SEMA3E: variants seen among roughly 807,000 people sequenced by gnomAD.
SEMA3E encodes semaphorin-3E.
Under a neutral mutation model 93.6 loss-of-function variants are expected in SEMA3E, and 49 were observed. The observed-to-expected ratio is 0.52, with a 90% CI of 0.42 to 0.66. The LOEUF (loss-of-function observed/expected upper bound fraction) is 0.66. Ranked by LOEUF, SEMA3E falls within the 30% of genes least tolerant of loss-of-function variation. SEMA3E has a pLI of 0.00. For synonymous variants in SEMA3E, 363 were observed against 330.7 expected, an observed-to-expected ratio of 1.10 and a Z score of -1.06; for missense variants, 906 against 964.8, an observed-to-expected ratio of 0.94 and a Z score of 0.81.
At chr7:83,601,488 G>T (rs1410613902) in intron 1 of SEMA3E, among the ~76,000 whole-genome samples, 2 of 151,536 alleles carry the variant, frequency 1.3e-5, no homozygotes, top group Non-Finnish European at 2.9e-5. Flanking sequence ...CTTTCTCTGA[G>T]CACTCTTCCT....
At chr7:83,502,807 A>G (rs773914076) in intron 1 of SEMA3E, among the ~76,000 whole-genome samples, 4 of 152,300 alleles carry the variant, frequency 2.6e-5, no homozygotes, top group Middle Eastern at 3.4e-3. Context: ...CTTGGTCACT[A>G]TGATATCCCC....
At chr7:83,575,498 C>T (rs1195439988) in intron 1 of SEMA3E, among the ~76,000 whole-genome samples, 2 of 152,194 alleles carry the variant, frequency 1.3e-5, no homozygotes, top group East Asian at 1.9e-4. Flanking sequence ...TTATTAAAGT[C>T]ATTTTAATGT....
Position 83,418,455 on chromosome 7 carries a change from C to T in SEMA3E, c.485G>A (p.Arg162Lys), listed in dbSNP as rs1788602062. The T allele has an allele frequency of 6.2e-7, 1 of 1,611,648 alleles. No homozygotes were observed. Residue 162 changes from arginine to lysine, a missense_variant, in exon 5 of 17, where the codon AGA becomes AAA. Coordinates refer to ENST00000643230, the MANE Select transcript of SEMA3E (RefSeq NM_012431.3). Reference sequence around the variant, plus strand: ...ACATCTGCCCCTTCCTCTCTCAGATCTGGGTGATTCCAGGTGAAACAGAGG... The same window carrying T: ...ACATCTGCCCCTTCCTCTCTCAGATTTGGGTGATTCCAGGTGAAACAGAGG... The part of the protein sequence containing the change: ...EDPLFHLESP[R>K]SERGRGRCPF...
chr7:83,389,802 T>C (rs202082766), intron 14 of SEMA3E, among the ~76,000 whole-genome samples: 2,664 of 45,670 alleles, frequency 0.058, 104 homozygotes, highest in East Asian at 0.12. Flanking sequence ...TATATACACG[T>C]ATATATTACA....
In SEMA3E at chr7:83,408,408, G is replaced by A. The variant is rs1426446541; in HGVS notation, c.630C>T (p.Ala210=). ...AAIFRSMGRL[A]HIRTEHDDER... ...CATCGTCATGCTCAGTGCGGATATG[G>A]GCCAGTCGCCCCATGCTGCGGAAGA... The change falls in exon 6 of 17, where the codon GCC becomes GCT. Residue 210 remains alanine (A), a synonymous_variant. Transcript: ENST00000643230. 6.2e-7 allele frequency: 1 copy of A among 1,613,720 alleles called. No individual in the cohort carries two copies. The highest frequency in any genetic ancestry group is 1.1e-5 in the South Asian group (1 of 91,076).
chr7:83,503,679 G>A (rs992257163), intron 1 of SEMA3E, among the ~76,000 whole-genome samples: 1 of 152,134 alleles, frequency 6.6e-6, no homozygotes, highest in Admixed American at 6.5e-5. Context: ...TGTTCAGCAT[G>A]TTACTGTGAT....
intron 1 of SEMA3E, among the ~76,000 whole-genome samples, chr7:83,529,682 C>T (rs1285010466): frequency 1.3e-5 from 2 of 152,108 alleles, no homozygotes; most frequent in Non-Finnish European, 2.9e-5. Flanking sequence ...GTGATAGAGA[C>T]CCTAACCAAG....
intron 4 of SEMA3E, among the ~76,000 whole-genome samples, chr7:83,427,548 G>A (rs1326799330): frequency 1.3e-5 from 2 of 152,124 alleles, no homozygotes; most frequent in Admixed American, 6.6e-5. Flanking sequence ...GGGAAAGCAG[G>A]CAGTTTTCAA....
Position 83,597,345 on chromosome 7 carries a change from A to G in SEMA3E, c.115+51083T>C, listed in dbSNP as rs567977977. Among the ~76,000 whole-genome samples the G allele has an allele frequency of 2.6e-5, 4 of 152,268 alleles. No homozygotes were observed. The South Asian group carries it at 8.3e-4, about 32-fold the overall frequency. Reference sequence around the variant, plus strand: ...TGTCAAAAAATCTTGATACTCTTTTATGATAATTATTTTTGCTAAATGAAA... The same window carrying G: ...TGTCAAAAAATCTTGATACTCTTTTGTGATAATTATTTTTGCTAAATGAAA... On this transcript the variant is annotated intron_variant, in intron 1 of 16. Transcript: ENST00000643230.
chr7:83,618,853 T>C (rs1034612338), intron 1 of SEMA3E, among the ~76,000 whole-genome samples: 3 of 151,958 alleles, frequency 2.0e-5, no homozygotes, highest in Non-Finnish European at 2.9e-5. Flanking sequence ...GAGATTGTTA[T>C]ACATAATGGT....
intron 1 of SEMA3E, among the ~76,000 whole-genome samples, chr7:83,609,408 GTGAT>G (rs1793198024): frequency 6.6e-6 from 1 of 151,966 alleles, no homozygotes; most frequent in South Asian, 2.1e-4. Context: ...CAGAGACAAA[GTGAT>G]TGAGTTGGCT....
intron 2 of SEMA3E, among the ~76,000 whole-genome samples, chr7:83,482,520 G>T (rs1003558988): frequency 7.6e-6 from 1 of 130,878 alleles, no homozygotes; most frequent in African/African-American, 3.0e-5. Context: ...AGCCGAGATT[G>T]CACCACTGCA....
chr7:83,615,150 C>T (rs924547965), intron 1 of SEMA3E, among the ~76,000 whole-genome samples: 22 of 152,084 alleles, frequency 1.4e-4, no homozygotes, highest in African/African-American at 5.3e-4. Flanking sequence ...TAGAATAGGG[C>T]ATTTTCTCTG....
chr7:83,418,118 A>C (rs1284204953), intron 5 of SEMA3E, among the ~76,000 whole-genome samples: 1 of 152,172 alleles, frequency 6.6e-6, no homozygotes, highest in Non-Finnish European at 1.5e-5. Context: ...GCATTTTATA[A>C]GCATCACATG....
At chr7:83,578,496 C>T (rs1254775896) in intron 1 of SEMA3E, among the ~76,000 whole-genome samples, 3 of 152,024 alleles carry the variant, frequency 2.0e-5, no homozygotes, top group African/African-American at 7.2e-5. Context: ...GCGGAGGTTG[C>T]AGTGAGCTAA....
chr7:83,587,023 T>G lies in SEMA3E; in HGVS notation c.115+61405A>C, dbSNP rs183075170. Among the ~76,000 whole-genome samples the G allele has an allele frequency of 7.7e-4, 117 of 152,274 alleles. 1 individual carries two copies. The highest frequency in any genetic ancestry group is 2.7e-3 in the African/African-American group (114 of 41,580). ...AAATAAAGGTTAGAATAGATATATATCTGAGAATTAGTCACTATGAAGTTC... is the reference window on the plus strand; with the variant it reads ...AAATAAAGGTTAGAATAGATATATAGCTGAGAATTAGTCACTATGAAGTTC... On this transcript the variant is annotated intron_variant, in intron 1 of 16. Transcript: ENST00000643230.
chr7:83,420,853 C>CATTAAAACA (rs879420852), intron 4 of SEMA3E, among the ~76,000 whole-genome samples: 5 of 144,924 alleles, frequency 3.5e-5, no homozygotes, highest in Admixed American at 2.0e-4. Flanking sequence ...AATATAAGAC[C>CATTAAAACA]TCTAACTATA....
At position 83,407,290 on chromosome 7, in the gene SEMA3E, T is replaced by C. The variant is rs1256521594; in HGVS notation, c.671-51A>G. ...AAGTGAAATAGATATTACAACTAAA[T>C]GCTAACAAGTTATTCCAATAAATTG... On this transcript the variant is annotated intron_variant, in intron 6 of 16. Coordinates refer to ENST00000643230, the MANE Select transcript of SEMA3E (RefSeq NM_012431.3). The C allele has an allele frequency of 5.6e-6, 8 of 1,423,022 alleles. No homozygotes were observed. In the Admixed American group the frequency reaches 1.0e-4, roughly 18 times the overall value. The allele number at this position is 1,423,022 out of a possible 1,614,324, so 88.1% of individuals were successfully genotyped here.
At chr7:83,410,522 A>T (rs1384974135) in intron 5 of SEMA3E, among the ~76,000 whole-genome samples, 1 of 152,112 alleles carries the variant, frequency 6.6e-6, no homozygotes, top group Non-Finnish European at 1.5e-5. Context: ...ATTTGATAAT[A>T]GAAAGGGAAA....
Sources: allele counts gnomAD v4.1 joint callset (sites outside exome capture counted in the v4.1 genomes callset), GRCh38; gene constraint gnomAD v4.1.1; transcripts MANE v1.5; gene names NCBI Gene and HGNC (gene_info 2026-07-23, HGNC 2026-07-21).